LRRC7: variants seen among roughly 807,000 people sequenced by gnomAD.
LRRC7 encodes leucine-rich repeat-containing protein 7.
In LRRC7, 23 loss-of-function variants were observed where a neutral mutation model predicts 175.7. The observed-to-expected ratio is 0.13, with a 90% CI of 0.09 to 0.19. The LOEUF (loss-of-function observed/expected upper bound fraction) is 0.19, where lower values mean the gene tolerates loss of function less well. LRRC7 is among the 10% of genes least tolerant of loss of function. LRRC7 has a pLI of 1.00. For synonymous variants in LRRC7, 685 were observed against 680.9 expected (o/e 1.01, Z -0.09); for missense variants, 1,354 against 1,904.7 (o/e 0.71, Z 5.38).
At chr1:69,853,958 G>C (rs1179797589) in intron 7 of LRRC7, among the ~76,000 whole-genome samples, 1 of 152,154 alleles carries the variant, frequency 6.6e-6, no homozygotes, top group Non-Finnish European at 1.5e-5. Flanking sequence ...ATGATACAGA[G>C]TCTCATTAAA....
At chr1:69,930,196 G>C (rs1350576187) in intron 7 of LRRC7, among the ~76,000 whole-genome samples, 1 of 151,968 alleles carries the variant, frequency 6.6e-6, no homozygotes, top group Non-Finnish European at 1.5e-5. Context: ...AGTCCTTTGA[G>C]GTAGGAATTT....
chr1:69,760,983 G>C (rs554817525), intron 3 of LRRC7, among the ~76,000 whole-genome samples: 1 of 139,382 alleles, frequency 7.2e-6, no homozygotes, highest in East Asian at 2.1e-4. Flanking sequence ...ACACACACAC[G>C]TGCACACCTG....
intron 2 of LRRC7, among the ~76,000 whole-genome samples, chr1:69,753,062 G>C (rs1181346313): frequency 2.0e-5 from 3 of 152,066 alleles, no homozygotes; most frequent in Non-Finnish European, 4.4e-5. Flanking sequence ...CATGTTTCAG[G>C]AAAATGTGGA....
intron 2 of LRRC7, among the ~76,000 whole-genome samples, chr1:69,706,424 A>G (rs570754003): frequency 3.2e-4 from 48 of 152,296 alleles, no homozygotes; most frequent in African/African-American, 1.1e-3. Flanking sequence ...TCTAGAAATT[A>G]TATTCTCATT....
chr1:69,798,915 T>C (rs978228508), intron 4 of LRRC7, among the ~76,000 whole-genome samples: 2 of 152,118 alleles, frequency 1.3e-5, no homozygotes, highest in Non-Finnish European at 2.9e-5. Context: ...GATGGCTATA[T>C]AAGAGTAGCT....
intron 8 of LRRC7, among the ~76,000 whole-genome samples, chr1:69,949,363 G>A (rs1268479053): frequency 6.6e-6 from 1 of 152,122 alleles, no homozygotes; most frequent in Non-Finnish European, 1.5e-5. Flanking sequence ...CCTGAGCCCA[G>A]GAGTTTGTGA....
chr1:69,605,577 T>C (rs1409301227), intron 1 of LRRC7, among the ~76,000 whole-genome samples: 1 of 152,146 alleles, frequency 6.6e-6, no homozygotes, highest in African/African-American at 2.4e-5. Flanking sequence ...GGACATGCAA[T>C]GTATATATGG....
At chr1:69,900,951 A>G (rs1036263880) in intron 7 of LRRC7, among the ~76,000 whole-genome samples, 7 of 152,234 alleles carry the variant, frequency 4.6e-5, no homozygotes, top group African/African-American at 1.4e-4. Context: ...CCTGTAAATT[A>G]CAATGTATAC....
At position 70,039,156 on chromosome 1, in the gene LRRC7, C is replaced by T. The variant is rs780634419; in HGVS notation, c.3332C>T (p.Pro1111Leu). 6 of 1,614,118 alleles carry T rather than the reference C, an allele frequency of 3.7e-6. No homozygotes were observed. Among genetic ancestry groups the T allele is most frequent in the Non-Finnish European group, 5.1e-6 (6 of 1,180,010 alleles). ...AACATCGCCAAGGATTTGATTAGTC[C>T]TAGAGCTTACAGAGGATACCCACCG... ...SKNIAKDLIS[P>L]RAYRGYPPME... is the part of the protein sequence containing the mutation. Residue 1111 changes from proline to leucine, a missense_variant, in exon 21 of 27, where the codon CCT becomes CTT. By Grantham distance (98) the Pro-to-Leu change is moderately conservative. This residue lies in a region of LRRC7 where 1,032 missense variants were observed against 1,227.2 expected (regional missense o/e 0.84). Transcript: ENST00000651989.
At chr1:69,901,889 C>T (rs2101670222) in intron 7 of LRRC7, among the ~76,000 whole-genome samples, 1 of 152,170 alleles carries the variant, frequency 6.6e-6, no homozygotes, top group Non-Finnish European at 1.5e-5. Flanking sequence ...TATATAAAGC[C>T]ATCTGTAGAT....
chr1:69,724,237 T>C (rs951179351), intron 2 of LRRC7, among the ~76,000 whole-genome samples: 3 of 152,116 alleles, frequency 2.0e-5, no homozygotes, highest in African/African-American at 7.2e-5. Context: ...CTGATAAAAC[T>C]TGTGCCTTTC....
chr1:69,803,777 C>G (rs908737931), intron 4 of LRRC7, among the ~76,000 whole-genome samples: 2 of 151,146 alleles, frequency 1.3e-5, no homozygotes, highest in Admixed American at 1.3e-4. Flanking sequence ...CTTCATCATA[C>G]TGTTTTTTTA....
At chr1:69,977,627 G>A (rs954229161) in intron 8 of LRRC7, among the ~76,000 whole-genome samples, 11 of 152,096 alleles carry the variant, frequency 7.2e-5, no homozygotes, top group Admixed American at 2.6e-4. Flanking sequence ...CTAAGGGTGA[G>A]GCCATATAAA....
intron 11 of LRRC7, among the ~76,000 whole-genome samples, chr1:69,995,569 A>G (rs1654865276): frequency 8.0e-6 from 1 of 124,850 alleles, no homozygotes; most frequent in African/African-American, 3.0e-5. Context: ...CAACCCCACA[A>G]TGGTCCCCAG....
In LRRC7 at chr1:69,986,260, A is replaced by G. The variant is rs1223913802; in HGVS notation, c.805A>G (p.Met269Val). Reference protein sequence around the residue: ...VLPGSIGKLKMLVYLDMSKNR... With the variant: ...VLPGSIGKLKVLVYLDMSKNR... The stretch of plus-strand genomic sequence containing the variant: ...CATCAAGTCTATAGGGAAGTTAAAG[A>G]TGTTGGTATACCTGGATATGTCAAA... The change falls in exon 10 of 27, where the codon ATG becomes GTG. Residue 269 changes from methionine (M) to valine (V), a missense_variant. By Grantham distance (21) the Met-to-Val change is conservative (BLOSUM62 1). This residue lies in a region of LRRC7 where 201 missense variants were observed against 481.4 expected (regional missense o/e 0.42). Transcript: ENST00000651989. The G allele has an allele frequency of 6.2e-7, 1 of 1,613,302 alleles. No homozygotes were observed. Among genetic ancestry groups the G allele is most frequent in the African/African-American group, 1.3e-5 (1 of 75,018 alleles).
chr1:69,830,342 T>C (rs1250690887), intron 5 of LRRC7, among the ~76,000 whole-genome samples: 3 of 151,864 alleles, frequency 2.0e-5, no homozygotes, highest in Non-Finnish European at 4.4e-5. Flanking sequence ...TGATTTGGCA[T>C]ATTTACTAAT....
chr1:69,888,700 T>C (rs1320521763), intron 7 of LRRC7, among the ~76,000 whole-genome samples: 1 of 151,584 alleles, frequency 6.6e-6, no homozygotes, highest in Non-Finnish European at 1.5e-5. Flanking sequence ...TACTACATGA[T>C]CTCATTTATA....
chr1:70,011,401 T>G (rs1656495595), intron 11 of LRRC7, among the ~76,000 whole-genome samples: 1 of 152,170 alleles, frequency 6.6e-6, no homozygotes, highest in South Asian at 2.1e-4. Context: ...GTTTTGTTTT[T>G]ATTGTTTCTC....
chr1:69,912,618 G>T (rs989953171), intron 7 of LRRC7, among the ~76,000 whole-genome samples: 1 of 152,098 alleles, frequency 6.6e-6, no homozygotes, highest in South Asian at 2.1e-4. Context: ...GAGCTCAAAA[G>T]TTCTATCAAG....
Sources: gnomAD v4.1 joint callset for allele counts (sites outside exome capture counted in the v4.1 genomes callset) on GRCh38, gnomAD v4.1.1 for gene constraint, gnomAD v4.1.1 regional missense constraint, MANE v1.5 for transcripts, NCBI Gene and HGNC (gene_info 2026-07-23, HGNC 2026-07-21) for gene names.